The following ATP8A2 variants were observed in gnomAD, a reference collection of about 807,000 sequenced individuals.
ATP8A2 encodes phospholipid-transporting ATPase IB.
A neutral mutation model predicts 165.6 loss-of-function variants in ATP8A2; 100 were observed. The observed-to-expected ratio is 0.60, with a 90% CI of 0.51 to 0.71. The LOEUF is 0.71. ATP8A2 is among the 30% of genes least tolerant of loss of function. The pLI is 0.00. For synonymous variants in ATP8A2, 543 were observed against 548.8 expected, an observed-to-expected ratio of 0.99 and a Z score of 0.15; for missense variants, 1,227 against 1,479.5, an observed-to-expected ratio of 0.83 and a Z score of 2.80.
At chr13:25,812,160 GT>G (rs2138518473) in intron 27 of ATP8A2, among the ~76,000 whole-genome samples, 1 of 151,746 alleles carries the variant, frequency 6.6e-6, no homozygotes, top group African/African-American at 2.4e-5. Flanking sequence ...TCAGGTTTCA[GT>G]TTTCTCTGTG....
At position 25,890,175 on chromosome 13, in the gene ATP8A2, GA is replaced by G. The variant is rs200284642; in HGVS notation, c.3183+27775del. Among the ~76,000 whole-genome samples, 1,508 of 151,804 alleles carry G rather than the reference GA, an allele frequency of 9.9e-3. 17 individuals carry two copies. The highest frequency in any genetic ancestry group is 0.031 in the African/African-American group (1,296 of 41,406). ...AGACTCTGTCTCAAAAAAAAGAAAAGAAAAAAAATTTTACCGTCTCTCTGGG... is the reference window on the plus strand; with the variant it reads ...AGACTCTGTCTCAAAAAAAAGAAAAGAAAAAAATTTTACCGTCTCTCTGGG... On this transcript the variant is annotated intron_variant, in intron 33 of 36. Transcript: ENST00000381655.
intron 36 of ATP8A2, among the ~76,000 whole-genome samples, chr13:26,013,232 G>A (rs1716114087): frequency 6.6e-6 from 1 of 152,084 alleles, no homozygotes; most frequent in African/African-American, 2.4e-5. Flanking sequence ...CAGGGCCAAG[G>A]CCAACCCAGC....
intron 2 of ATP8A2, among the ~76,000 whole-genome samples, chr13:25,506,029 G>A (rs763064782): frequency 2.0e-5 from 3 of 152,168 alleles, no homozygotes; most frequent in Non-Finnish European, 2.9e-5. Flanking sequence ...AGCTTTCTGT[G>A]TTCCCGACCA....
At chr13:25,659,583 A>G (rs1228964860) in intron 24 of ATP8A2, among the ~76,000 whole-genome samples, 2 of 152,252 alleles carry the variant, frequency 1.3e-5, no homozygotes, top group African/African-American at 2.4e-5. Flanking sequence ...TGTAAGGCAA[A>G]TAAGTGGGAA....
At chr13:25,539,181 CA>C in intron 7 of ATP8A2, among the ~76,000 whole-genome samples, 1 of 151,942 alleles carries the variant, frequency 6.6e-6, no homozygotes, top group South Asian at 2.1e-4. Context: ...ACTGTAAGTT[CA>C]AACTCCTGGG....
At chr13:26,004,436 G>A (rs1385686215) in intron 35 of ATP8A2, among the ~76,000 whole-genome samples, 5 of 151,950 alleles carry the variant, frequency 3.3e-5, no homozygotes, top group African/African-American at 1.2e-4. Context: ...TCTATACATA[G>A]CATTATGTGT....
intron 24 of ATP8A2, among the ~76,000 whole-genome samples, chr13:25,687,783 A>G (rs2042633547): frequency 6.6e-6 from 1 of 152,184 alleles, no homozygotes; most frequent in Admixed American, 6.5e-5. Context: ...TTTGTCTGTT[A>G]TCACAGGCAG....
rs2035758289 is a variant in ATP8A2, at chr13:25,469,021, A to T, written c.121A>T (p.Met41Leu). The stretch of plus-strand genomic sequence containing the variant: ...GGGCTATAAGAAGGCAGAGGATGAG[A>T]TGTCCCGGGCCACGTCTGTTGGAGA... The part of the protein sequence containing the change: ...SLGYKKAEDE[M>L]SRATSVGDQL... Residue 41 changes from methionine (M) to leucine (L), a missense_variant, in exon 2 of 37, where the codon ATG becomes TTG. Coordinates refer to ENST00000381655, the MANE Select transcript of ATP8A2 (RefSeq NM_016529.6). 5 of 1,613,920 alleles carry T rather than the reference A, an allele frequency of 3.1e-6. No individual in the cohort carries two copies. Among genetic ancestry groups the T allele is most frequent in the Admixed American group, 1.7e-5 (1 of 60,006 alleles).
chr13:25,431,837 C>G (rs921317979), intron 1 of ATP8A2, among the ~76,000 whole-genome samples: 3 of 152,088 alleles, frequency 2.0e-5, no homozygotes, highest in Non-Finnish European at 2.9e-5. Context: ...TATCTAGTTC[C>G]AGAACATTTT....
At chr13:25,545,556 T>C (rs2038621826) in intron 10 of ATP8A2, among the ~76,000 whole-genome samples, 1 of 152,108 alleles carries the variant, frequency 6.6e-6, no homozygotes, top group Non-Finnish European at 1.5e-5. Flanking sequence ...ATCCTTTAAC[T>C]CCCATAGTGC....
chr13:25,837,256 A>G lies in ATP8A2; in HGVS notation c.2848A>G (p.Thr950Ala), dbSNP rs1951636795. ...CAGGTTTCCCCAGCTCTACAAAATCACCCAGAATGGCGAAGGCTTCAACAC... is the reference window on the plus strand; with the variant it reads ...CAGGTTTCCCCAGCTCTACAAAATCGCCCAGAATGGCGAAGGCTTCAACAC... ...MLRFPQLYKITQNGEGFNTKV... is the reference protein window; with the variant it reads ...MLRFPQLYKIAQNGEGFNTKV... The change falls in exon 29 of 37, where the codon ACC (threonine) becomes GCC (alanine). Residue 950 changes from threonine (T) to alanine (A), a missense_variant. By Grantham distance (58) the Thr-to-Ala change is moderately conservative. Transcript: ENST00000381655. The G allele has an allele frequency of 6.2e-7, 1 of 1,613,976 alleles. No homozygotes were observed.
At chr13:25,399,397 C>CT (rs71077467) in intron 1 of ATP8A2, among the ~76,000 whole-genome samples, 1,663 of 74,028 alleles carry the variant, frequency 0.022, 145 homozygotes, top group East Asian at 0.11. Context: ...AGTGGTTCTT[C>CT]TTTTTTTTTT....
At chr13:25,468,741 G>A (rs979653869) in intron 1 of ATP8A2, 2 of 747,558 alleles carry the variant, frequency 2.7e-6, no homozygotes, top group Admixed American at 1.3e-4. Flanking sequence ...CGCTCCACAA[G>A]CGCCAGGGGC....
intron 24 of ATP8A2, among the ~76,000 whole-genome samples, chr13:25,631,454 T>A (rs1349675800): frequency 6.6e-6 from 1 of 152,192 alleles, no homozygotes; most frequent in African/African-American, 2.4e-5. Flanking sequence ...ACTCCAGGTA[T>A]TTTTGGTCTT....
chr13:25,593,108 G>A (rs1411117076), intron 24 of ATP8A2, among the ~76,000 whole-genome samples: 1 of 152,014 alleles, frequency 6.6e-6, no homozygotes, highest in South Asian at 2.1e-4. Flanking sequence ...TATTAAAATC[G>A]TATTTGGTGG....
Position 25,532,313 on chromosome 13 carries a change from A to C in ATP8A2, c.462A>C (p.Thr154=), listed in dbSNP as rs201689401. Residue 154 remains threonine (T), a synonymous_variant, in exon 5 of 37, where the codon ACA becomes ACC. Coordinates refer to ENST00000381655, the MANE Select transcript of ATP8A2 (RefSeq NM_016529.6). The part of the protein sequence containing the change: ...KADNAVNKKK[T]IVLRNGMWHT... ...ACAATGCAGTTAACAAAAAGAAAAC[A>C]ATAGGTAAGATCCCAGGCTGAAGGA... 3.2e-4 allele frequency: 512 copies of C among 1,610,180 alleles called. 3 individuals are homozygous for C. Among genetic ancestry groups the C allele is most frequent in the South Asian group, 3.2e-3 (285 of 89,638 alleles).
chr13:25,809,827 T>A (rs1950822357), intron 27 of ATP8A2, among the ~76,000 whole-genome samples: 1 of 152,136 alleles, frequency 6.6e-6, no homozygotes, highest in South Asian at 2.1e-4. Flanking sequence ...GCCTAGTCCA[T>A]AGTTGGTGCT....
intron 2 of ATP8A2, among the ~76,000 whole-genome samples, chr13:25,481,182 A>ACCGTG (rs1555278819): frequency 0.36 from 50,700 of 141,462 alleles, 9,447 homozygotes; most frequent in Middle Eastern, 0.42. Context: ...GGAGAGGGAG[A>ACCGTG]GGGAGAGGGA....
At chr13:25,882,163 G>A (rs76624097) in intron 33 of ATP8A2, among the ~76,000 whole-genome samples, 6 of 152,266 alleles carry the variant, frequency 3.9e-5, no homozygotes, top group South Asian at 4.2e-4. Flanking sequence ...AACCTGACTC[G>A]GCATTGGGTG....
Sources: gnomAD v4.1 joint callset for allele counts (sites outside exome capture counted in the v4.1 genomes callset) on GRCh38, gnomAD v4.1.1 for gene constraint, MANE v1.5 for transcripts, NCBI Gene and HGNC (gene_info 2026-07-23, HGNC 2026-07-21) for gene names.